Variants in RAB11FIP3 observed in about 807,000 individuals in gnomAD.
RAB11FIP3 encodes the protein rab11 family-interacting protein 3.
RAB11FIP3 carries 17 observed loss-of-function variants against 77.8 expected under a neutral mutation model. The observed-to-expected ratio is 0.22, with a 90% confidence interval of 0.15 to 0.33. The LOEUF (loss-of-function observed/expected upper bound fraction) is 0.33, where lower values mean the gene tolerates loss of function less well. Among genes scored for constraint, RAB11FIP3 ranks in the 10% least tolerant of loss-of-function variants. The probability of loss-of-function intolerance (pLI) is 1.00; values close to 1 mark genes in which losing one functional copy is unlikely to be tolerated. For missense variants in RAB11FIP3, 1,005 were observed against 1,011.2 expected, an observed-to-expected ratio of 0.99 and a Z score of 0.08; for synonymous variants, 437 against 448.2, an observed-to-expected ratio of 0.98 and a Z score of 0.31.
intron 4 of RAB11FIP3, among the ~76,000 whole-genome samples, chr16:487,843 G>A (rs1347982513): frequency 2.6e-5 from 4 of 152,178 alleles, no homozygotes; most frequent in South Asian, 2.1e-4. Flanking sequence ...TTTCCCTGTC[G>A]CAGCTGCTGT....
intron 2 of RAB11FIP3, among the ~76,000 whole-genome samples, chr16:465,346 A>T (rs117054153): frequency 6.6e-6 from 1 of 152,172 alleles, no homozygotes; most frequent in African/African-American, 2.4e-5. Flanking sequence ...TACCACTTCC[A>T]TGAAAAACAA....
At chr16:515,283 A>G (rs894619793) in intron 9 of RAB11FIP3, among the ~76,000 whole-genome samples, 1 of 152,238 alleles carries the variant, frequency 6.6e-6, no homozygotes, top group African/African-American at 2.4e-5. Context: ...TGAAAGGAGA[A>G]AATAGCTGTG....
At chr16:439,155 A>G (rs1303573748) in intron 1 of RAB11FIP3, 1 of 152,242 alleles carries the variant, frequency 6.6e-6, no homozygotes, top group Non-Finnish European at 1.5e-5. Context: ...TTGGCTTTCA[A>G]AAGTTCTTGA....
intron 5 of RAB11FIP3, among the ~76,000 whole-genome samples, chr16:489,275 C>T (rs1376708298): frequency 3.9e-5 from 6 of 152,222 alleles, no homozygotes; most frequent in African/African-American, 7.2e-5. Flanking sequence ...ACTTGGCTTG[C>T]GGGCTCCTTT....
chr16:438,753 G>A (rs530012021), intron 1 of RAB11FIP3, among the ~76,000 whole-genome samples: 2 of 139,554 alleles, frequency 1.4e-5, no homozygotes, highest in East Asian at 4.3e-4. Context: ...GCGGTGGCGC[G>A]ATCTCAGCTC....
At chr16:454,403 C>T (rs144522953) in intron 1 of RAB11FIP3, among the ~76,000 whole-genome samples, 4 of 152,196 alleles carry the variant, frequency 2.6e-5, no homozygotes, top group African/African-American at 9.6e-5. Context: ...ATAGCGAGAT[C>T]GCCTCCCTAC....
chr16:451,397 T>C (rs2055405700), intron 1 of RAB11FIP3: 1 of 151,742 alleles, frequency 6.6e-6, no homozygotes, highest in South Asian at 2.1e-4. Context: ...AAACACAGAA[T>C]GGGGTGTTAA....
chr16:460,550 C>T (rs12932410), intron 1 of RAB11FIP3, among the ~76,000 whole-genome samples: 60,181 of 151,084 alleles, frequency 0.4, 13,514 homozygotes, highest in Middle Eastern at 0.53. Context: ...TGAAGAGTTT[C>T]ATTTTGTGTT....
At chr16:428,751 A>C (rs1177623981) in intron 1 of RAB11FIP3, among the ~76,000 whole-genome samples, 1 of 152,162 alleles carries the variant, frequency 6.6e-6, no homozygotes, top group Non-Finnish European at 1.5e-5. Flanking sequence ...ACTGACTTTC[A>C]TACAATTCTT....
chr16:447,248 T>C (rs1471066660), intron 1 of RAB11FIP3, among the ~76,000 whole-genome samples: 1 of 151,992 alleles, frequency 6.6e-6, no homozygotes, highest in African/African-American at 2.4e-5. Flanking sequence ...GAGGCTTCAG[T>C]GAGCTATGAT....
At chr16:497,568 C>G in intron 6 of RAB11FIP3, 1 of 871,994 alleles carries the variant, frequency 1.1e-6, no homozygotes, top group Non-Finnish European at 1.5e-6. Context: ...CCTCTGGAGC[C>G]TCCTCTCTGC....
chr16:496,969 T>A, intron 6 of RAB11FIP3, 110 bp downstream of exon 6: 1 of 1,232,130 alleles, frequency 8.1e-7, no homozygotes. Context: ...TTTAAACTCT[T>A]GCAAGTTACT....
chr16:491,103 C>T lies in RAB11FIP3; in HGVS notation c.1265+2103C>T, dbSNP rs1012331609. ...ACAGATGACCACACGGGTCCTCATCCTCTCCTGAACGGATGCTTCTGTCTC... is the reference window on the plus strand; with the variant it reads ...ACAGATGACCACACGGGTCCTCATCTTCTCCTGAACGGATGCTTCTGTCTC... On this transcript the variant is annotated intron_variant, in intron 5 of 13. Transcript: ENST00000262305. 6 of 1,280,258 alleles carry T rather than the reference C, an allele frequency of 4.7e-6. No homozygotes were observed. In the South Asian group the frequency reaches 7.5e-5, roughly 16 times the overall value. The allele number at this position is 1,280,258 out of a possible 1,614,324, so 79.3% of individuals were successfully genotyped here. A position where few individuals can be genotyped will look rare whatever the true frequency, so the allele number is the denominator to read the frequency against.
chr16:429,865 G>T (rs2055008762), intron 1 of RAB11FIP3, among the ~76,000 whole-genome samples: 1 of 152,152 alleles, frequency 6.6e-6, no homozygotes, highest in South Asian at 2.1e-4. Context: ...ATCTGTTTAT[G>T]AAGGTAGCAT....
Position 426,002 on chromosome 16 carries a change from G to A in RAB11FIP3, c.-5G>A, listed in dbSNP as rs1248436169. ...GCCCTTCCGCACCACTAGCCTCTCG[G>A]GAGCATGGCGTCGGCCCCGCCGGCC... is the stretch of plus-strand genomic sequence containing the variant. On this transcript the variant is annotated 5_prime_UTR_variant, in exon 1 of 14. Transcript: ENST00000262305. The surrounding 1 kb of genome is among the most constrained non-coding windows in gnomAD (Gnocchi z 5.0). 128 of 985,792 alleles carry A rather than the reference G, an allele frequency of 1.3e-4. No individual in the cohort carries two copies. Among genetic ancestry groups the A allele is most frequent in the Non-Finnish European group, 1.4e-5 (12 of 830,270 alleles). The allele number at this position is 985,792 out of a possible 1,614,324, so 61.1% of individuals were successfully genotyped here.
Position 519,783 on chromosome 16 carries a change from G to C in RAB11FIP3, c.1752G>C (p.Glu584Asp). Residue 584 changes from glutamate to aspartate, a missense_variant, in exon 11 of 14, where the codon GAG becomes GAC. Around this residue, in one of 4 missense-constraint regions of RAB11FIP3, gnomAD observed 433 missense variants for 436.1 expected, o/e 0.99. Transcript: ENST00000262305. ...EEKQKLLDEI[E>D]SLTLRLSEEQ... ...AGCAGAAGCTGTTGGATGAGATAGA[G>C]TCGCTGACGCTGCGGCTCAGTGAAG... 6.2e-7 allele frequency: 1 copy of C among 1,612,498 alleles called. No homozygotes were observed. The highest frequency in any genetic ancestry group is 8.5e-7 in the Non-Finnish European group (1 of 1,179,594).
At chr16:488,720 T>TTTC in intron 4 of RAB11FIP3, 131 bp from the exon 5 acceptor site, 1 of 838,806 alleles carries the variant, frequency 1.2e-6, no homozygotes, top group African/African-American at 1.8e-5. Flanking sequence ...ACTTTTTTTT[T>TTTC]TTTTTTAAAC....
intron 3 of RAB11FIP3, chr16:474,738 A>T: frequency 8.2e-7 from 1 of 1,225,720 alleles, no homozygotes; most frequent in Non-Finnish European, 1.1e-6. Context: ...TAGGAAGCCA[A>T]AAACAAAAGC....
intron 1 of RAB11FIP3, among the ~76,000 whole-genome samples, chr16:428,500 A>G (rs995161055): frequency 3.3e-5 from 5 of 152,026 alleles, no homozygotes; most frequent in African/African-American, 1.2e-4. Flanking sequence ...CCATAACCCA[A>G]CTCTTGATAG....
Sources: gnomAD v4.1 joint callset for allele counts (sites outside exome capture counted in the v4.1 genomes callset) on GRCh38, gnomAD v4.1.1 for gene constraint, gnomAD v4.1.1 regional missense constraint, Gnocchi (gnomAD v3.1) non-coding constraint, MANE v1.5 for transcripts, NCBI Gene and HGNC (gene_info 2026-07-23, HGNC 2026-07-21) for gene names.